Variants in ZFYVE28 observed in about 807,000 individuals in gnomAD.
ZFYVE28 encodes lateral signaling target protein 2 homolog.
ZFYVE28 carries 40 observed loss-of-function variants against 82.1 expected under a neutral mutation model. The observed-to-expected ratio is 0.49, with a 90% CI of 0.38 to 0.63. ZFYVE28 has a LOEUF of 0.63. ZFYVE28 is among the 30% of genes least tolerant of loss of function. The pLI, the probability that ZFYVE28 is intolerant of heterozygous loss-of-function variation, is 0.00. For synonymous variants in ZFYVE28, 612 were observed against 546.1 expected (o/e 1.12, Z -1.68); for missense variants, 1,321 against 1,242.1 (o/e 1.06, Z -0.96).
At chr4:2,357,469 G>A (rs1725503208) in intron 1 of ZFYVE28, among the ~76,000 whole-genome samples, 1 of 152,224 alleles carries the variant, frequency 6.6e-6, no homozygotes, top group African/African-American at 2.4e-5. Context: ...AGGCCTGCAT[G>A]AGACCCGCTG....
At position 2,417,635 on chromosome 4, in the gene ZFYVE28, C is replaced by T. The variant is rs1733230025; in HGVS notation, c.39+650G>A. Among the ~76,000 whole-genome samples, 1 of 151,840 alleles carries T rather than the reference C, an allele frequency of 6.6e-6. No homozygotes were observed. The highest frequency in any genetic ancestry group is 1.5e-5 in the Non-Finnish European group (1 of 67,910). On this transcript the variant is annotated intron_variant, in intron 1 of 12. Coordinates refer to ENST00000290974, the MANE Select transcript of ZFYVE28 (RefSeq NM_020972.3). This position sits in a 1 kb window ranked among gnomAD's most constrained non-coding sequence, Gnocchi z 4.8. ...ACAAGGATAGGGACAAGGGAGGGGA[C>T]GCGAACTGGGCCGAGGTGTGGGTCA...
chr4:2,368,550 T>C (rs929205647), intron 1 of ZFYVE28, among the ~76,000 whole-genome samples: 1 of 152,170 alleles, frequency 6.6e-6, no homozygotes, highest in African/African-American at 2.4e-5. Context: ...ATCTCTGGAT[T>C]TGCATGTCTG....
chr4:2,304,505 T>G lies in ZFYVE28; in HGVS notation c.1835A>C (p.Glu612Ala), dbSNP rs1003693299. The change falls in exon 8 of 13, where the codon GAG becomes GCG. Residue 612 changes from glutamate (E) to alanine (A), a missense_variant. Physicochemically the swap from Glu to Ala is moderately radical, Grantham distance 107. Coordinates refer to ENST00000290974, the MANE Select transcript of ZFYVE28 (RefSeq NM_020972.3). ...GGCATCTTCTGAGGGTGGGGGCGCC[T>G]CCTCCTGTCTCTCAGGGGCCCTGTC... ...ASDRAPERQE[E>A]APPPSEDASN... 159 of 1,612,374 alleles carry G rather than the reference T, an allele frequency of 9.9e-5. No individual in the cohort carries two copies. The highest frequency in any genetic ancestry group is 1.3e-4 in the Non-Finnish European group (154 of 1,179,500).
intron 6 of ZFYVE28, among the ~76,000 whole-genome samples, chr4:2,322,544 A>G (rs1310039452): frequency 6.6e-6 from 1 of 152,154 alleles, no homozygotes. Flanking sequence ...CGCCCCGCAC[A>G]GTGGAGAAAG....
rs185725904 is a variant in ZFYVE28 at position 2,411,248 on chromosome 4, A to T, written c.39+7037T>A. Among the ~76,000 whole-genome samples, 927 of 151,684 alleles carry T rather than the reference A, an allele frequency of 6.1e-3. 4 individuals carry two copies. The highest frequency in any genetic ancestry group is 0.02 in the Middle Eastern group (6 of 294). On this transcript the variant is annotated intron_variant, in intron 1 of 12. Transcript: ENST00000290974. ...CCCCCCCACTTGATGTGTCCCCTAC[A>T]CCCCCTGCCTCCCTCCAGCAGGAAA...
At chr4:2,329,283 A>T in intron 6 of ZFYVE28, 1 of 443,184 alleles carries the variant, frequency 2.3e-6, no homozygotes, top group East Asian at 3.3e-5. Context: ...TTATGTCTTT[A>T]ATTTTTTCAG....
At chr4:2,279,507 C>T (rs548860800) in intron 8 of ZFYVE28, among the ~76,000 whole-genome samples, 1 of 151,936 alleles carries the variant, frequency 6.6e-6, no homozygotes, top group Non-Finnish European at 1.5e-5. Flanking sequence ...TGGCCGGGTG[C>T]AGTGGCTCAC....
rs1475030102 is a variant in ZFYVE28, at chr4:2,304,391, T to C, written c.1949A>G (p.Gln650Arg). Residue 650 changes from glutamine (Q) to arginine (R), a missense_variant, in exon 8 of 13, where the codon CAA (glutamine) becomes CGA (arginine). Around this residue, in one of 2 missense-constraint regions of ZFYVE28, gnomAD observed 978 missense variants for 833.7 expected, o/e 1.17. Coordinates refer to ENST00000290974, the MANE Select transcript of ZFYVE28 (RefSeq NM_020972.3). ...GSQVDTASGL[Q>R]GEAGVAGQQE... ...CTGACCTGCAACCCCAGCCTCTCCT[T>C]GCAGCCCACTCGCTGTGTCCACCTG... The C allele has an allele frequency of 6.2e-6, 10 of 1,612,814 alleles. 1 individual carries two copies. In the South Asian group the frequency reaches 9.9e-5, roughly 16 times the overall value.
chr4:2,337,606 G>GA, intron 4 of ZFYVE28, 110 bp from the exon 5 acceptor site: 1 of 809,464 alleles, frequency 1.2e-6, no homozygotes, highest in Admixed American at 2.6e-5. Context: ...CAAGGTGGGG[G>GA]CGGGGGGCCT....
intron 7 of ZFYVE28, among the ~76,000 whole-genome samples, chr4:2,319,258 A>G (rs2108836614): frequency 6.6e-6 from 1 of 152,202 alleles, no homozygotes; most frequent in South Asian, 2.1e-4. Context: ...CAGGGCTCAC[A>G]TCCCCCCAAG....
chr4:2,372,236 A>G lies in ZFYVE28; in HGVS notation c.40-18163T>C, dbSNP rs1456342091. ...AACCAGAGGTTTCCATCCTAGAAGG[A>G]TGGTGGCGGGGCTGAGTCTGGTTCC... On this transcript the variant is annotated intron_variant, in intron 1 of 12. Transcript: ENST00000290974. This position sits in a 1 kb window ranked among gnomAD's most constrained non-coding sequence, Gnocchi z 5.2. 6.6e-6 allele frequency among the ~76,000 whole-genome samples: 1 copy of G among 152,092 alleles called. No individual in the cohort carries two copies. Among genetic ancestry groups the G allele is most frequent in the Non-Finnish European group, 1.5e-5 (1 of 68,012 alleles).
At chr4:2,336,074 G>A (rs1298491309) in intron 5 of ZFYVE28, among the ~76,000 whole-genome samples, 1 of 152,208 alleles carries the variant, frequency 6.6e-6, no homozygotes, top group African/African-American at 2.4e-5. Flanking sequence ...GGGCAGGGAG[G>A]ATGTGTGAGG....
rs751905989 is a variant in ZFYVE28 at position 2,304,521 on chromosome 4, G to T, written c.1819C>A (p.Pro607Thr). Reference sequence around the variant, plus strand: ...GGGGGCGCCTCCTCCTGTCTCTCAGGGGCCCTGTCGCTGGCCTTGGCTAAG... The same window carrying T: ...GGGGGCGCCTCCTCCTGTCTCTCAGTGGCCCTGTCGCTGGCCTTGGCTAAG... ...AGLAKASDRA[P>T]ERQEEAPPPS... The change falls in exon 8 of 13, where the codon CCT becomes ACT. Residue 607 changes from proline (P) to threonine (T), a missense_variant. Around this residue, in one of 2 missense-constraint regions of ZFYVE28, gnomAD observed 978 missense variants for 833.7 expected, o/e 1.17. Transcript: ENST00000290974. The T allele has an allele frequency of 2.5e-5, 41 of 1,612,506 alleles. 2 individuals are homozygous for T. The Admixed American group carries it at 6.0e-4, about 24-fold the overall frequency.
At chr4:2,399,032 G>GGGTGAGATCCAGGGCACAAGGGTGGA (rs1730833239) in intron 1 of ZFYVE28, among the ~76,000 whole-genome samples, 1 of 50,346 alleles carries the variant, frequency 2.0e-5, no homozygotes, top group Non-Finnish European at 4.8e-5. Flanking sequence ...GCACAAGGTG[G>GGGTGAGATCCAGGGCACAAGGGTGGA]GGTGAGATCC....
chr4:2,271,704 G>T lies in ZFYVE28; in HGVS notation c.2399C>A (p.Ala800Glu). Residue 800 changes from alanine to glutamate, a missense_variant, in exon 11 of 13, where the codon GCA (alanine) becomes GAA (glutamate). Transcript: ENST00000290974. ...CQETLSSSEL[A>E]AKTRDGDFED... ...AAAGTCCCCATCGCGGGTCTTGGCTGCCAGTTCAGAGGATGACAGGGTCTC... is the reference window on the plus strand; with the variant it reads ...AAAGTCCCCATCGCGGGTCTTGGCTTCCAGTTCAGAGGATGACAGGGTCTC... The T allele has an allele frequency of 6.2e-7, 1 of 1,613,942 alleles. No homozygotes were observed. Among genetic ancestry groups the T allele is most frequent in the Non-Finnish European group, 8.5e-7 (1 of 1,180,010 alleles).
chr4:2,347,111 A>G (rs1055349564), intron 2 of ZFYVE28, among the ~76,000 whole-genome samples: 2 of 152,228 alleles, frequency 1.3e-5, no homozygotes, highest in Non-Finnish European at 2.9e-5. Context: ...TGTTCACACC[A>G]ATCAAAAGAA....
rs141831370 is a variant in ZFYVE28, at chr4:2,294,575, A to G, written c.2051+9714T>C. Among the ~76,000 whole-genome samples the G allele has an allele frequency of 1.8e-4, 27 of 152,250 alleles. 1 individual carries two copies. Among genetic ancestry groups the G allele is most frequent in the African/African-American group, 5.8e-4 (24 of 41,474 alleles). ...AGATATGGCACCAAAATCACAATTC[A>G]TAAAATAAAAAATTGATAAATTGTA... On this transcript the variant is annotated intron_variant, in intron 8 of 12. Coordinates refer to ENST00000290974, the MANE Select transcript of ZFYVE28 (RefSeq NM_020972.3).
At chr4:2,290,501 G>A (rs76637307) in intron 8 of ZFYVE28, among the ~76,000 whole-genome samples, 1 of 152,164 alleles carries the variant, frequency 6.6e-6, no homozygotes, top group African/African-American at 2.4e-5. Flanking sequence ...TTGTCCTCTC[G>A]TGAGGATGCA....
At chr4:2,319,245 G>A (rs986129684) in intron 7 of ZFYVE28, among the ~76,000 whole-genome samples, 6 of 152,110 alleles carry the variant, frequency 3.9e-5, no homozygotes, top group African/African-American at 1.4e-4. Context: ...CAACCTCCAG[G>A]TCCAGGGCTC....
Sources: allele counts gnomAD v4.1 joint callset (sites outside exome capture counted in the v4.1 genomes callset), GRCh38; gene constraint gnomAD v4.1.1; regional missense constraint gnomAD v4.1.1; non-coding constraint Gnocchi (gnomAD v3.1); transcripts MANE v1.5; gene names NCBI Gene and HGNC (gene_info 2026-07-23, HGNC 2026-07-21).